The following VGLL4 variants were observed in gnomAD, a reference collection of about 807,000 sequenced individuals.
VGLL4 encodes the protein transcription cofactor vestigial-like protein 4.
In VGLL4, 7 loss-of-function variants were observed where a neutral mutation model predicts 21.0. That is an observed-to-expected ratio of 0.33 (90% CI 0.19 to 0.63). The LOEUF (loss-of-function observed/expected upper bound fraction) is 0.63, where lower values mean the gene tolerates loss of function less well. VGLL4 is among the 20% of genes least tolerant of loss of function. The pLI is 0.78. For missense variants in VGLL4, 394 were observed against 425.7 expected (o/e 0.93, Z 0.66); for synonymous variants, 222 against 173.2 (o/e 1.28, Z -2.21).
At chr3:11,591,540 G>C (rs571771954) in intron 2 of VGLL4, among the ~76,000 whole-genome samples, 1 of 152,344 alleles carries the variant, frequency 6.6e-6, no homozygotes, top group East Asian at 1.9e-4. Context: ...CTGGGAGAAG[G>C]CTGATGTCAG....
intron 2 of VGLL4, among the ~76,000 whole-genome samples, chr3:11,657,492 A>C (rs2616540): frequency 1 from 152,323 of 152,324 alleles, 76,161 homozygotes; most frequent in Non-Finnish European, 1. Flanking sequence ...TCCTGCTGGT[A>C]TGAATTAACA....
chr3:11,648,626 T>C (rs1327475601), upstream of VGLL4, among the ~76,000 whole-genome samples: 1 of 152,166 alleles, frequency 6.6e-6, no homozygotes, highest in African/African-American at 2.4e-5. Context: ...CTGAAGAATA[T>C]ATTTGTGTCA....
intron 4 of VGLL4, 115 bp downstream of exon 4, chr3:11,559,216 TC>T: frequency 2.1e-6 from 3 of 1,424,696 alleles, no homozygotes; most frequent in Non-Finnish European, 2.8e-6. Context: ...AAATACTTTT[TC>T]AACCTCAGCA....
At chr3:11,618,412 G>A (rs996941882) in intron 1 of VGLL4, among the ~76,000 whole-genome samples, 3 of 152,158 alleles carry the variant, frequency 2.0e-5, no homozygotes, top group Non-Finnish European at 4.4e-5. Flanking sequence ...ATTTATTGGA[G>A]AGTTACTGGA....
chr3:11,573,276 A>G (rs1018032222), intron 2 of VGLL4, among the ~76,000 whole-genome samples: 2 of 11,188 alleles, frequency 1.8e-4, no homozygotes, highest in African/African-American at 1.6e-3. Flanking sequence ...AGAAAGAAAG[A>G]AAGAAAGAAA....
chr3:11,655,217 A>G (rs920986281), intron 2 of VGLL4, among the ~76,000 whole-genome samples: 6 of 152,232 alleles, frequency 3.9e-5, no homozygotes, highest in African/African-American at 1.4e-4. Flanking sequence ...AACTACACTT[A>G]GCAGTATCGT....
chr3:11,655,601 T>A (rs796433690), intron 2 of VGLL4, among the ~76,000 whole-genome samples: 54 of 152,336 alleles, frequency 3.5e-4, no homozygotes, highest in African/African-American at 1.2e-3. Flanking sequence ...AACACTTGAC[T>A]GCAGTGAGCC....
intron 2 of VGLL4, among the ~76,000 whole-genome samples, chr3:11,682,429 A>T (rs2076388829): frequency 7.8e-6 from 1 of 128,762 alleles, no homozygotes; most frequent in African/African-American, 2.9e-5. Flanking sequence ...AAAAAAAAAA[A>T]TAGGCAGGTG....
At chr3:11,689,270 C>G (rs575390807) in intron 2 of VGLL4, among the ~76,000 whole-genome samples, 7 of 152,176 alleles carry the variant, frequency 4.6e-5, no homozygotes, top group Non-Finnish European at 1.0e-4. Flanking sequence ...CCAGAACATG[C>G]ATCTGATGCA....
intron 2 of VGLL4, among the ~76,000 whole-genome samples, chr3:11,566,794 G>A (rs892122627): frequency 2.0e-5 from 3 of 152,092 alleles, no homozygotes; most frequent in African/African-American, 4.8e-5. Context: ...CTTCGTCTAC[G>A]CACCCGCCCC....
intron 2 of VGLL4, chr3:11,671,159 T>A (rs2076209453): frequency 6.0e-6 from 8 of 1,325,036 alleles, no homozygotes; most frequent in Non-Finnish European, 8.2e-6. Context: ...AGGCTTTAGA[T>A]AAACATACCA....
chr3:11,613,133 C>T (rs749477180), intron 1 of VGLL4, among the ~76,000 whole-genome samples: 11 of 152,008 alleles, frequency 7.2e-5, no homozygotes, highest in Non-Finnish European at 1.5e-4. Flanking sequence ...ACCCTGGTTG[C>T]CACGAAACAG....
At chr3:11,593,889 TCTG>T (rs2074568447) in intron 2 of VGLL4, among the ~76,000 whole-genome samples, 1 of 152,200 alleles carries the variant, frequency 6.6e-6, no homozygotes, top group East Asian at 1.9e-4. Context: ...GCTCAGTGGG[TCTG>T]TGGCAAACAC....
intron 1 of VGLL4, among the ~76,000 whole-genome samples, chr3:11,641,185 C>T (rs1383543081): frequency 6.7e-6 from 1 of 148,850 alleles, no homozygotes; most frequent in African/African-American, 2.5e-5. Context: ...TCTCATACAA[C>T]TAAGGAATAT....
chr3:11,679,038 TATAATA>T (rs752448683), intron 2 of VGLL4, among the ~76,000 whole-genome samples: 1 of 152,232 alleles, frequency 6.6e-6, no homozygotes, highest in Non-Finnish European at 1.5e-5. Context: ...ACGTGCAGTA[TATAATA>T]ATAATGAGAA....
chr3:11,666,318 G>A (rs1238356285), intron 2 of VGLL4, among the ~76,000 whole-genome samples: 2 of 152,074 alleles, frequency 1.3e-5, no homozygotes, highest in African/African-American at 4.8e-5. Context: ...CGAGGCAGGA[G>A]GAGGCCAGCG....
intron 2 of VGLL4, among the ~76,000 whole-genome samples, chr3:11,579,377 C>T (rs2074159453): frequency 6.6e-6 from 1 of 152,146 alleles, no homozygotes; most frequent in Non-Finnish European, 1.5e-5. Context: ...GGGAAAAAAA[C>T]AGTACTGAGA....
At chr3:11,629,746 C>CAAA (rs10609918) in intron 1 of VGLL4, among the ~76,000 whole-genome samples, 22 of 85,314 alleles carry the variant, frequency 2.6e-4, no homozygotes, top group South Asian at 1.2e-3. Context: ...AGACGGGTCT[C>CAAA]AAAAAAAAAA....
chr3:11,627,410 T>G (rs1185822369), intron 1 of VGLL4: 2 of 151,494 alleles, frequency 1.3e-5, no homozygotes, highest in African/African-American at 4.9e-5. Context: ...AAACCCCGTC[T>G]CTACTAAAAA....
Sources: allele counts gnomAD v4.1 joint callset (sites outside exome capture counted in the v4.1 genomes callset), GRCh38; gene constraint gnomAD v4.1.1; transcripts MANE v1.5; gene names NCBI Gene and HGNC (gene_info 2026-07-23, HGNC 2026-07-21).